The following RANBP2 variants were observed in gnomAD, a reference collection of about 807,000 sequenced individuals.
RANBP2 encodes E3 SUMO-protein ligase RanBP2.
Under a neutral mutation model 303.6 loss-of-function variants are expected in RANBP2, and 57 were observed. The ratio of observed to expected loss-of-function variants is 0.19; its 90% CI spans 0.15 to 0.23. The LOEUF is 0.23. Among genes scored for constraint, RANBP2 ranks in the 10% least tolerant of loss-of-function variants. The probability of loss-of-function intolerance (pLI) is 1.00; values close to 1 mark genes in which losing one functional copy is unlikely to be tolerated. For missense variants in RANBP2, 3,138 were observed against 3,780.8 expected (o/e 0.83, Z 4.46); for synonymous variants, 1,167 against 1,301.5 (o/e 0.90, Z 2.23).
At chr2:108,901,891 G>A in the RANBP2 span, among the ~76,000 whole-genome samples, 5 of 151,976 alleles carry the variant, frequency 3.3e-5, no homozygotes, top group Non-Finnish European at 7.4e-5. Context: ...ATTGCTTGAG[G>A]TCAGGAGTTC....
the RANBP2 span, among the ~76,000 whole-genome samples, chr2:109,489,477 T>C: frequency 6.6e-6 from 1 of 152,198 alleles, no homozygotes; most frequent in Non-Finnish European, 1.5e-5. Flanking sequence ...TCACCTGTCC[T>C]ACAAAGTCCA....
chr2:109,190,713 C>G, the RANBP2 span, among the ~76,000 whole-genome samples: 1 of 152,010 alleles, frequency 6.6e-6, no homozygotes, highest in East Asian at 1.9e-4. Context: ...AAAAAATTTG[C>G]TAGGTGTTGG....
chr2:109,046,191 C>T, the RANBP2 span, among the ~76,000 whole-genome samples: 1 of 150,978 alleles, frequency 6.6e-6, no homozygotes, highest in Non-Finnish European at 1.5e-5. Flanking sequence ...GTAGTCCCAG[C>T]TACTCGGGAG....
the RANBP2 span, among the ~76,000 whole-genome samples, chr2:108,914,493 A>G: frequency 6.6e-6 from 1 of 152,134 alleles, no homozygotes; most frequent in Non-Finnish European, 1.5e-5. Context: ...CTTCTATGGA[A>G]AAAGTGTGAC....
the RANBP2 span, among the ~76,000 whole-genome samples, chr2:109,372,508 C>T: frequency 1.1e-3 from 171 of 152,340 alleles, no homozygotes; most frequent in African/African-American, 3.8e-3. Context: ...GTGCCAGACA[C>T]TTGGAAGTAC....
the RANBP2 span, among the ~76,000 whole-genome samples, chr2:109,216,550 C>G: frequency 1.3e-5 from 2 of 152,174 alleles, no homozygotes; most frequent in African/African-American, 4.8e-5. Context: ...AGAAAGTCAG[C>G]AGAGAACACA....
chr2:109,229,804 T>A, the RANBP2 span, among the ~76,000 whole-genome samples: 1 of 149,462 alleles, frequency 6.7e-6, no homozygotes, highest in Non-Finnish European at 1.5e-5. Flanking sequence ...GTGTTTAGAT[T>A]TTTTTTCTTT....
the RANBP2 span, among the ~76,000 whole-genome samples, chr2:108,942,125 C>G: frequency 1.3e-5 from 2 of 152,244 alleles, no homozygotes; most frequent in Non-Finnish European, 2.9e-5. Flanking sequence ...ATCTCTCAGC[C>G]TGCTGAGCAT....
the RANBP2 span, among the ~76,000 whole-genome samples, chr2:109,487,479 G>T: frequency 6.6e-6 from 1 of 152,226 alleles, no homozygotes; most frequent in Non-Finnish European, 1.5e-5. Context: ...GAAGGCGGAC[G>T]TTTTGGAGAG....
Position 108,763,310 on chromosome 2 carries a change from C to G in RANBP2, c.2771C>G (p.Pro924Arg). 1 of 1,613,944 alleles carries G rather than the reference C, an allele frequency of 6.2e-7. No individual in the cohort carries two copies. Among genetic ancestry groups the G allele is most frequent in the Non-Finnish European group, 8.5e-7 (1 of 1,179,962 alleles). Reference sequence around the variant, plus strand: ...GCCTATCCGCAACAGATGCACACACCGCCAGTGCAAAGCTCATCTGCTTGT... The same window carrying G: ...GCCTATCCGCAACAGATGCACACACGGCCAGTGCAAAGCTCATCTGCTTGT... ...IYAYPQQMHT[P>R]PVQSSSACMF... Residue 924 changes from proline (P) to arginine (R), a missense_variant, in exon 20 of 29, where the codon CCG becomes CGG. By Grantham distance (103) the Pro-to-Arg change is moderately radical (BLOSUM62 -2). Transcript: ENST00000283195.
At chr2:109,403,400 T>C in the RANBP2 span, among the ~76,000 whole-genome samples, 1 of 152,212 alleles carries the variant, frequency 6.6e-6, no homozygotes, top group East Asian at 1.9e-4. Context: ...AATTGTTCAT[T>C]GTTTCCACTT....
the RANBP2 span, among the ~76,000 whole-genome samples, chr2:109,236,578 A>AT: frequency 6.6e-6 from 1 of 152,212 alleles, no homozygotes. Flanking sequence ...ATGACAATGA[A>AT]TGAGGGCTTT....
chr2:108,844,748 ATT>A, the RANBP2 span, among the ~76,000 whole-genome samples: 35 of 136,668 alleles, frequency 2.6e-4, no homozygotes, highest in African/African-American at 3.5e-4. Flanking sequence ...TACTATCCAC[ATT>A]TTTTTTTTTT....
the RANBP2 span, among the ~76,000 whole-genome samples, chr2:108,937,542 TGA>T: frequency 2.3e-4 from 35 of 151,902 alleles, no homozygotes; most frequent in East Asian, 9.7e-4. Flanking sequence ...TGTATGTGTG[TGA>T]GTGTGTGAAT....
chr2:109,199,594 G>GTAACCCT, the RANBP2 span, among the ~76,000 whole-genome samples: 1 of 86 alleles, frequency 0.012, no homozygotes, highest in African/African-American at 0.026. Context: ...GAATGGAATG[G>GTAACCCT]AATGGAATGG....
the RANBP2 span, among the ~76,000 whole-genome samples, chr2:109,493,342 T>TA: frequency 7.8e-6 from 1 of 129,012 alleles, no homozygotes; most frequent in African/African-American, 2.9e-5. Flanking sequence ...ACACCCCACA[T>TA]ACGTCATACA....
At chr2:109,129,540 C>G in the RANBP2 span, 2 of 1,496,610 alleles carry the variant, frequency 1.3e-6, no homozygotes, top group Non-Finnish European at 1.8e-6. Flanking sequence ...GCGCCTCCCC[C>G]ATGCTGCTCG....
At chr2:108,909,303 T>C in the RANBP2 span, among the ~76,000 whole-genome samples, 7 of 152,052 alleles carry the variant, frequency 4.6e-5, no homozygotes, top group Non-Finnish European at 7.4e-5. Context: ...GAGGAGCAAA[T>C]TCAGTCTCTA....
At chr2:108,921,831 GGCCTT>G in the RANBP2 span, among the ~76,000 whole-genome samples, 1 of 152,218 alleles carries the variant, frequency 6.6e-6, no homozygotes, top group East Asian at 1.9e-4. Flanking sequence ...CGAGGTCTGG[GGCCTT>G]GCCCAAGGGG....
Sources: allele counts gnomAD v4.1 joint callset (sites outside exome capture counted in the v4.1 genomes callset), GRCh38; gene constraint gnomAD v4.1.1; transcripts MANE v1.5; gene names NCBI Gene and HGNC (gene_info 2026-07-23, HGNC 2026-07-21).